Variants in YIPF7 observed in about 807,000 individuals in gnomAD.
YIPF7 encodes the protein protein YIPF7.
Under a neutral mutation model 27.2 loss-of-function variants are expected in YIPF7, and 35 were observed. The observed-to-expected ratio is 1.29, with a 90% CI of 0.98 to 1.70. The LOEUF is 1.70. Among genes scored for constraint, YIPF7 ranks in the 40% most tolerant of loss-of-function variants. The pLI, the probability that YIPF7 is intolerant of heterozygous loss-of-function variation, is 0.00. For synonymous variants in YIPF7, 137 were observed against 110.4 expected, an observed-to-expected ratio of 1.24 and a Z score of -1.51; for missense variants, 358 against 303.7, an observed-to-expected ratio of 1.18 and a Z score of -1.33.
chr4:44,660,125 A>AAAAAAAAAAAAAAAC (rs1560332843), intron 2 of YIPF7, among the ~76,000 whole-genome samples: 1 of 146,200 alleles, frequency 6.8e-6, no homozygotes, highest in Non-Finnish European at 1.5e-5. Context: ...AAAAAAAAAA[A>AAAAAAAAAAAAAAAC]AAAAAAAAAA....
rs11461675 is a variant in YIPF7 at position 44,660,113 on chromosome 4, C to CAAAAA, written c.-2+331_-2+335dup. Among the ~76,000 whole-genome samples the CAAAAA allele has an allele frequency of 1.3e-3, 33 of 25,500 alleles. 3 individuals are homozygous for CAAAAA. The highest frequency in any genetic ancestry group is 3.5e-3 in the East Asian group (3 of 854). The allele number at this position is 25,500 out of a possible 152,430, so 16.7% of individuals were successfully genotyped here. On this transcript the variant is annotated intron_variant, in intron 2 of 2. Transcript: ENST00000508947. Reference sequence around the variant, plus strand: ...TGGGTGACAGAGCAAGACTCTGTCTCAAAAAAAAAAAAAAAAAAAAAAACG... The same window carrying CAAAAA: ...TGGGTGACAGAGCAAGACTCTGTCTCAAAAAAAAAAAAAAAAAAAAAAAAAAAACG...
At chr4:44,622,627 T>C (rs1364412447) in intron 5 of YIPF7, 51 bp from the exon 6 acceptor site, 2 of 1,594,546 alleles carry the variant, frequency 1.3e-6, no homozygotes, top group African/African-American at 1.4e-5. Context: ...AAAGAGATTA[T>C]TGAGTTAAAG....
At chr4:44,624,541 T>A in intron 5 of YIPF7, 60 bp downstream of exon 5, 1 of 1,447,830 alleles carries the variant, frequency 6.9e-7, no homozygotes, top group Non-Finnish European at 9.1e-7. Context: ...TTTTCATGGC[T>A]GTGGCAAACC....
At chr4:44,629,125 C>T (rs954425758) in intron 4 of YIPF7, 3 of 264,030 alleles carry the variant, frequency 1.1e-5, no homozygotes, top group Non-Finnish European at 2.1e-5. Context: ...TTCCATTATT[C>T]CAGATTTACA....
intron 4 of YIPF7, among the ~76,000 whole-genome samples, chr4:44,625,290 C>A (rs147229046): frequency 6.6e-6 from 1 of 152,166 alleles, no homozygotes; most frequent in Non-Finnish European, 1.5e-5. Context: ...ATCATTATTA[C>A]ACCAACTTTA....
chr4:44,626,075 T>C (rs534742894), intron 4 of YIPF7, among the ~76,000 whole-genome samples: 1 of 152,344 alleles, frequency 6.6e-6, no homozygotes, highest in South Asian at 2.1e-4. Flanking sequence ...GCTATTTTAA[T>C]GTTCAAAATT....
intron 4 of YIPF7, among the ~76,000 whole-genome samples, chr4:44,628,142 A>C (rs1178174221): frequency 6.6e-6 from 1 of 152,172 alleles, no homozygotes; most frequent in Non-Finnish European, 1.5e-5. Flanking sequence ...TTACTGTGAC[A>C]AAGACAGAAG....
chr4:44,652,462 C>G (rs1333871772), upstream of YIPF7, among the ~76,000 whole-genome samples: 1 of 152,232 alleles, frequency 6.6e-6, no homozygotes, highest in Non-Finnish European at 1.5e-5. Flanking sequence ...ATCTCAGTAA[C>G]TGAAATTTTC....
chr4:44,647,246 A>C (rs1260315817), intron 2 of YIPF7, among the ~76,000 whole-genome samples: 8 of 152,130 alleles, frequency 5.3e-5, no homozygotes, highest in Non-Finnish European at 8.8e-5. Context: ...ATTTCTAGGA[A>C]ATGTTCAGTC....
chr4:44,649,901 T>C (rs1289247479), intron 2 of YIPF7, 84 bp downstream of exon 2: 1 of 764,812 alleles, frequency 1.3e-6, no homozygotes. Flanking sequence ...TCATAATAAC[T>C]ACAATATATT....
intron 2 of YIPF7, among the ~76,000 whole-genome samples, chr4:44,657,124 T>A (rs1713922251): frequency 6.6e-6 from 1 of 152,094 alleles, no homozygotes; most frequent in African/African-American, 2.4e-5. Context: ...GATCAGCAGG[T>A]GAGAATTGTT....
upstream of YIPF7, among the ~76,000 whole-genome samples, chr4:44,656,281 T>C (rs1713898022): frequency 1.3e-5 from 2 of 152,164 alleles, no homozygotes; most frequent in Admixed American, 1.3e-4. Context: ...TTAATTTTCA[T>C]AGGAAGTCTT....
intron 2 of YIPF7, among the ~76,000 whole-genome samples, chr4:44,637,718 T>C (rs1713178376): frequency 6.6e-6 from 1 of 152,192 alleles, no homozygotes; most frequent in Non-Finnish European, 1.5e-5. Context: ...CTGAACCCAA[T>C]TTGTAGTCTT....
intron 4 of YIPF7, among the ~76,000 whole-genome samples, chr4:44,626,639 G>T (rs1197017604): frequency 6.6e-6 from 1 of 151,762 alleles, no homozygotes; most frequent in African/African-American, 2.4e-5. Flanking sequence ...CCGAAATCAC[G>T]GCCATTTTAA....
chr4:44,644,786 C>A (rs1367081637), intron 2 of YIPF7, among the ~76,000 whole-genome samples: 1 of 152,070 alleles, frequency 6.6e-6, no homozygotes, highest in East Asian at 1.9e-4. Flanking sequence ...TGTCCCCACC[C>A]AAATCTCACA....
At chr4:44,627,203 A>C (rs974025131) in intron 4 of YIPF7, among the ~76,000 whole-genome samples, 3 of 152,138 alleles carry the variant, frequency 2.0e-5, no homozygotes, top group Non-Finnish European at 4.4e-5. Context: ...CAAAAGTTTT[A>C]AACCATTTGT....
In YIPF7 at chr4:44,629,443, G is replaced by T; in HGVS notation, c.386C>A (p.Pro129His). The change falls in exon 4 of 6, where the codon CCC becomes CAC. Residue 129 changes from proline to histidine, a missense_variant. Physicochemically the swap from Pro to His is moderately conservative, Grantham distance 77. Transcript: ENST00000415895. ...SIMNETDLTGPILFCVALGAT... is the reference protein window; with the variant it reads ...SIMNETDLTGHILFCVALGAT... ...TCCCAGGGCTACGCAAAAAAGAATG[G>T]GTCCAGTGAGGTCCGTTTCATTCAT... 1.3e-6 allele frequency: 2 copies of T among 1,598,896 alleles called. No homozygotes were observed. The highest frequency in any genetic ancestry group is 1.7e-6 in the Non-Finnish European group (2 of 1,172,474).
chr4:44,657,296 G>A (rs535456523), intron 2 of YIPF7, among the ~76,000 whole-genome samples: 3 of 152,230 alleles, frequency 2.0e-5, no homozygotes, highest in South Asian at 2.1e-4. Flanking sequence ...CTCAAACATC[G>A]CGTTTATATG....
At chr4:44,651,420 T>C (rs1209415577) in intron 1 of YIPF7, 134 bp downstream of exon 1, 1 of 471,214 alleles carries the variant, frequency 2.1e-6, no homozygotes, top group Non-Finnish European at 3.7e-6. Flanking sequence ...TAGAGAGTAA[T>C]TTATTGAGAA....
Sources: allele counts gnomAD v4.1 joint callset (sites outside exome capture counted in the v4.1 genomes callset), GRCh38; gene constraint gnomAD v4.1.1; transcripts MANE v1.5; gene names NCBI Gene and HGNC (gene_info 2026-07-23, HGNC 2026-07-21).